CERS3: variants seen among roughly 807,000 people sequenced by gnomAD.
CERS3 encodes ceramide synthase 3, also known as LAG1 homolog, ceramide synthase 3.
Under a neutral mutation model 50.3 loss-of-function variants are expected in CERS3, and 33 were observed. The observed-to-expected ratio is 0.66, with a 90% CI of 0.50 to 0.88. CERS3 has a LOEUF of 0.88. Among genes scored for constraint, CERS3 ranks in the 40% least tolerant of loss-of-function variants. The probability of loss-of-function intolerance (pLI) is 0.00; values close to 1 mark genes in which losing one functional copy is unlikely to be tolerated. For missense variants in CERS3, 470 were observed against 460.3 expected (o/e 1.02, Z -0.19); for synonymous variants, 176 against 155.2 (o/e 1.13, Z -0.99).
At chr15:100,436,560 G>A (rs1460763130) in intron 11 of CERS3, among the ~76,000 whole-genome samples, 1 of 152,062 alleles carries the variant, frequency 6.6e-6, no homozygotes, top group Admixed American at 6.6e-5. Context: ...GATAGGTGCA[G>A]CAAACTACCA....
intron 2 of CERS3, among the ~76,000 whole-genome samples, chr15:100,508,464 A>G (rs2036246107): frequency 6.6e-6 from 1 of 152,320 alleles, no homozygotes. Context: ...GCAATACTTC[A>G]ACAATACTCA....
At chr15:100,451,481 A>C (rs1427337550) in intron 11 of CERS3, among the ~76,000 whole-genome samples, 1 of 152,200 alleles carries the variant, frequency 6.6e-6, no homozygotes, top group African/African-American at 2.4e-5. Flanking sequence ...AGGTGGGAAG[A>C]TCACAAGGTC....
At chr15:100,428,929 A>G (rs1456752676) in intron 11 of CERS3, among the ~76,000 whole-genome samples, 2 of 152,236 alleles carry the variant, frequency 1.3e-5, no homozygotes. Flanking sequence ...GAAGAGTGGA[A>G]TAAACCTTTC....
In CERS3 at chr15:100,455,959, C is replaced by A; in HGVS notation, c.933G>T (p.Leu311Phe). 6.2e-7 allele frequency: 1 copy of A among 1,613,316 alleles called. No individual in the cohort carries two copies. Among genetic ancestry groups the A allele is most frequent in the Non-Finnish European group, 8.5e-7 (1 of 1,179,522 alleles). Reference protein sequence around the residue: ...YIFLNLQLMILQVLHLYWGYY... With the variant: ...YIFLNLQLMIFQVLHLYWGYY... ...AACCCCAGTAAAGGTGAAGGACCTG[C>A]AAGATCATGAGCTGTAGGTTGAGGA... The change falls in exon 11 of 12, where the codon TTG becomes TTT. Residue 311 changes from leucine (L) to phenylalanine (F), a missense_variant. Coordinates refer to ENST00000679737, the MANE Select transcript of CERS3 (RefSeq NM_001378789.1).
chr15:100,503,870 G>A (rs2036085211), intron 2 of CERS3: 1 of 410,798 alleles, frequency 2.4e-6, no homozygotes, highest in Non-Finnish European at 5.0e-6. Flanking sequence ...AAATCGGGTA[G>A]AGGATAAAGT....
rs74041472 is a variant in CERS3 at position 100,497,162 on chromosome 15, C to T, written c.173+4515G>A. 5.6e-3 allele frequency among the ~76,000 whole-genome samples: 852 copies of T among 151,658 alleles called. 9 individuals carry two copies. The highest frequency in any genetic ancestry group is 0.019 in the African/African-American group (787 of 41,148). On this transcript the variant is annotated intron_variant, in intron 3 of 11. Transcript: ENST00000679737. The stretch of plus-strand genomic sequence containing the variant: ...AAAGGATCACCAAATACACAGAACA[C>T]GACAGAGAGGGGAATGGGAGTAGTG...
chr15:100,473,677 G>T (rs1208854300), intron 8 of CERS3, among the ~76,000 whole-genome samples: 1 of 152,210 alleles, frequency 6.6e-6, no homozygotes. Flanking sequence ...GGAGAAACTG[G>T]AACTCTAATA....
intron 10 of CERS3, among the ~76,000 whole-genome samples, chr15:100,467,808 CGTCTATATATATGTGTATATATAT>C (rs1567639837): frequency 1.0e-5 from 1 of 95,574 alleles, no homozygotes; most frequent in Non-Finnish European, 2.2e-5. Context: ...TATATATATA[CGTCTATATATATGTGTATATATAT>C]ACGTGTATAT....
chr15:100,460,146 A>C (rs936670565), intron 10 of CERS3, among the ~76,000 whole-genome samples: 1 of 152,184 alleles, frequency 6.6e-6, no homozygotes, highest in Non-Finnish European at 1.5e-5. Context: ...CTTTGCATAC[A>C]TGTTATGCTT....
intron 10 of CERS3, among the ~76,000 whole-genome samples, chr15:100,467,340 A>C (rs957661552): frequency 1.3e-5 from 2 of 152,136 alleles, no homozygotes; most frequent in African/African-American, 4.8e-5. Context: ...GTCTTAAGAC[A>C]GAGGTCTGCA....
intron 3 of CERS3, among the ~76,000 whole-genome samples, chr15:100,494,677 T>C (rs2142309668): frequency 6.6e-6 from 1 of 152,318 alleles, no homozygotes; most frequent in East Asian, 1.9e-4. Context: ...TCTCAGTCTT[T>C]CCTGAGGAGC....
chr15:100,402,998 A>T, intron 11 of CERS3, 133 bp from the exon 12 acceptor site: 1 of 841,406 alleles, frequency 1.2e-6, no homozygotes, highest in Non-Finnish European at 1.8e-6. Context: ...ACATTCACCA[A>T]GATTGACTAT....
chr15:100,411,306 T>A (rs1431595625), intron 11 of CERS3, among the ~76,000 whole-genome samples: 1 of 152,082 alleles, frequency 6.6e-6, no homozygotes, highest in Non-Finnish European at 1.5e-5. Context: ...GCGTTACAGG[T>A]GCCCACCACC....
chr15:100,409,677 G>A (rs1268740901), intron 11 of CERS3, among the ~76,000 whole-genome samples: 2 of 152,166 alleles, frequency 1.3e-5, no homozygotes, highest in Non-Finnish European at 2.9e-5. Context: ...GCGTGAGTCC[G>A]TTTCTTTGAA....
chr15:100,528,267 A>C (rs2036850559), intron 1 of CERS3, among the ~76,000 whole-genome samples: 1 of 152,232 alleles, frequency 6.6e-6, no homozygotes, highest in African/African-American at 2.4e-5. Flanking sequence ...CTCTCAAGAC[A>C]GAAGCAGCTT....
At chr15:100,418,765 G>A (rs1225076852) in intron 11 of CERS3, among the ~76,000 whole-genome samples, 1 of 137,826 alleles carries the variant, frequency 7.3e-6, no homozygotes, top group Non-Finnish European at 1.6e-5. Context: ...GAAGAGAGTG[G>A]GGGCCAATAT....
intron 3 of CERS3, among the ~76,000 whole-genome samples, chr15:100,493,111 C>T (rs901145887): frequency 6.6e-6 from 1 of 152,130 alleles, no homozygotes; most frequent in African/African-American, 2.4e-5. Flanking sequence ...AAAAAATATG[C>T]TTATACTATC....
intron 11 of CERS3, among the ~76,000 whole-genome samples, chr15:100,417,541 T>C (rs1242243242): frequency 8.5e-4 from 129 of 151,650 alleles, no homozygotes; most frequent in East Asian, 1.7e-3. Context: ...CTTAGGTAAA[T>C]AAAGCAGCCT....
Position 100,480,867 on chromosome 15 carries a change from T to C in CERS3, c.408-821A>G, listed in dbSNP as rs184848087. On this transcript the variant is annotated intron_variant, in intron 5 of 11. Coordinates refer to ENST00000679737, the MANE Select transcript of CERS3 (RefSeq NM_001378789.1). ...TATCTGTGGTAGGCGAGAGGTGTAG[T>C]GGGGATAGAGAGGACATAGGATTGG... is the stretch of plus-strand genomic sequence containing the variant. Among the ~76,000 whole-genome samples, 57 of 152,178 alleles carry C rather than the reference T, an allele frequency of 3.7e-4. No homozygotes were observed. The East Asian group carries it at 0.01, about 27-fold the overall frequency.
Sources: gnomAD v4.1 joint callset for allele counts (sites outside exome capture counted in the v4.1 genomes callset) on GRCh38, gnomAD v4.1.1 for gene constraint, MANE v1.5 for transcripts, NCBI Gene and HGNC (gene_info 2026-07-23, HGNC 2026-07-21) for gene names.